VPS13C: variants seen among roughly 807,000 people sequenced by gnomAD.
VPS13C encodes the protein intermembrane lipid transfer protein VPS13C.
In VPS13C, 358 loss-of-function variants were observed where a neutral mutation model predicts 456.8. The ratio of observed to expected loss-of-function variants is 0.78; its 90% confidence interval spans 0.72 to 0.86. VPS13C has a LOEUF of 0.86. Ranked by LOEUF, VPS13C falls within the 40% of genes least tolerant of loss-of-function variation. VPS13C has a pLI of 0.00. For synonymous variants in VPS13C, 1,578 were observed against 1,486.7 expected (o/e 1.06, Z -1.41); for missense variants, 4,818 against 4,385.4 (o/e 1.10, Z -2.79).
At chr15:62,000,262 G>A (rs1399916318) in intron 16 of VPS13C, among the ~76,000 whole-genome samples, 1 of 152,116 alleles carries the variant, frequency 6.6e-6, no homozygotes, top group Non-Finnish European at 1.5e-5. Flanking sequence ...GCTCTCAGGA[G>A]GCTGAGGTAG....
intron 66 of VPS13C, among the ~76,000 whole-genome samples, chr15:61,900,211 G>A (rs1268069666): frequency 6.6e-6 from 1 of 152,158 alleles, no homozygotes; most frequent in Non-Finnish European, 1.5e-5. Flanking sequence ...ACAAGACAGG[G>A]ATGCCCTCTC....
At chr15:61,923,355 T>C (rs2043725565) in intron 53 of VPS13C, among the ~76,000 whole-genome samples, 1 of 152,170 alleles carries the variant, frequency 6.6e-6, no homozygotes, top group Non-Finnish European at 1.5e-5. Context: ...CTCACTTCCC[T>C]CACTTCCTAT....
chr15:61,867,923 T>C lies in VPS13C; in HGVS notation c.10863+736A>G, dbSNP rs553944941. ...AAATCAAGTAGTAGTTTAGGAAACA[T>C]TTATTCCTGTATTTCCAGTTCTTGC... is the stretch of plus-strand genomic sequence containing the variant. On this transcript the variant is annotated intron_variant, in intron 81 of 84. Transcript: ENST00000644861. This position sits in a 1 kb window ranked among gnomAD's most constrained non-coding sequence, Gnocchi z 5.0. The C allele has an allele frequency of 6.2e-7, 1 of 1,607,394 alleles. No individual in the cohort carries two copies. Among genetic ancestry groups the C allele is most frequent in the Middle Eastern group, 1.7e-4 (1 of 6,044 alleles).
At chr15:62,035,406 A>G (rs1356062350) in intron 3 of VPS13C, among the ~76,000 whole-genome samples, 2 of 152,026 alleles carry the variant, frequency 1.3e-5, no homozygotes, top group African/African-American at 2.4e-5. Flanking sequence ...CTATCTAGTG[A>G]GTTAAGCAGT....
intron 81 of VPS13C, chr15:61,864,581 G>A (rs1308617254): frequency 1.0e-5 from 10 of 968,040 alleles, no homozygotes; most frequent in Non-Finnish European, 1.2e-5. Flanking sequence ...CACAAGCAGA[G>A]AAATCACATT....
intron 6 of VPS13C, among the ~76,000 whole-genome samples, chr15:62,025,341 T>A (rs954766449): frequency 6.6e-6 from 1 of 152,102 alleles, no homozygotes; most frequent in African/African-American, 2.4e-5. Flanking sequence ...TAATAAGTAA[T>A]GTAACACAAT....
chr15:61,882,114 T>A (rs1305704164), intron 69 of VPS13C, among the ~76,000 whole-genome samples: 1 of 152,178 alleles, frequency 6.6e-6, no homozygotes, highest in Admixed American at 6.6e-5. Flanking sequence ...GAGATTTCAA[T>A]TCTCTATGGT....
intron 79 of VPS13C, 103 bp downstream of exon 79, chr15:61,871,886 G>A: frequency 2.0e-6 from 2 of 1,001,542 alleles, no homozygotes; most frequent in South Asian, 3.3e-5. Context: ...AATTCAGTCA[G>A]TAATTTTCTC....
chr15:61,852,879 T>G lies in VPS13C; in HGVS notation c.*1578A>C, dbSNP rs1252730512. 1 of 152,154 alleles carries G rather than the reference T, an allele frequency of 6.6e-6. No individual in the cohort carries two copies. The highest frequency in any genetic ancestry group is 1.5e-5 in the Non-Finnish European group (1 of 68,020). 9.4% of individuals were successfully genotyped at this position (152,154 alleles called of 1,614,324 possible). ...AAGTAACACTAGTAAAATTTAAAGT[T>G]TTATGACCAGGCCTTAAAAAACATG... is the stretch of plus-strand genomic sequence containing the variant. On this transcript the variant is annotated 3_prime_UTR_variant, in exon 85 of 85. Transcript: ENST00000644861.
At chr15:62,027,013 G>A (rs1337090035) in intron 6 of VPS13C, among the ~76,000 whole-genome samples, 1 of 151,816 alleles carries the variant, frequency 6.6e-6, no homozygotes, top group African/African-American at 2.4e-5. Flanking sequence ...ATAATGCTTA[G>A]TATTATTATG....
chr15:61,939,089 A>G (rs1406979644), intron 47 of VPS13C, among the ~76,000 whole-genome samples: 1 of 152,218 alleles, frequency 6.6e-6, no homozygotes, highest in Non-Finnish European at 1.5e-5. Flanking sequence ...AACATCCATT[A>G]TATGAAGATA....
intron 1 of VPS13C, among the ~76,000 whole-genome samples, chr15:62,052,917 T>G (rs1295889691): frequency 6.6e-6 from 1 of 152,126 alleles, no homozygotes; most frequent in Non-Finnish European, 1.5e-5. Context: ...CCACTGAACT[T>G]TCTCCCTTTC....
At chr15:61,998,924 T>C (rs2046492469) in intron 16 of VPS13C, among the ~76,000 whole-genome samples, 1 of 152,256 alleles carries the variant, frequency 6.6e-6, no homozygotes, top group Admixed American at 6.5e-5. Flanking sequence ...TTCACTTTCT[T>C]ATAATTTTCT....
intron 47 of VPS13C, among the ~76,000 whole-genome samples, chr15:61,939,567 T>G (rs1441802352): frequency 2.0e-5 from 3 of 152,182 alleles, no homozygotes; most frequent in Admixed American, 2.0e-4. Flanking sequence ...TATCCCATCC[T>G]CGGCTGTTTG....
Position 61,936,646 on chromosome 15 carries a change from A to G in VPS13C, c.5706T>C (p.Thr1902=). The G allele has an allele frequency of 6.3e-7, 1 of 1,597,608 alleles. No homozygotes were observed. The highest frequency in any genetic ancestry group is 8.5e-7 in the Non-Finnish European group (1 of 1,174,664). The change falls in exon 48 of 85, where the codon ACT becomes ACC. Residue 1902 remains threonine (T), a synonymous_variant. Coordinates refer to ENST00000644861, the MANE Select transcript of VPS13C (RefSeq NM_020821.3). ...AAACATCAACTTTTCTCACTCTTAC[A>G]GTCTCCTGCACAGACTGTGTAGGGC... ...QPSPTQSVQE[T]VRVRKVDVSS... is the part of the protein sequence containing the mutation.
At position 61,982,585 on chromosome 15, in the gene VPS13C, T is replaced by A. The variant is rs1165466150; in HGVS notation, c.1915-12A>T. On this transcript the variant is annotated splice_polypyrimidine_tract_variant and intron_variant, in intron 20 of 84. Coordinates refer to ENST00000644861, the MANE Select transcript of VPS13C (RefSeq NM_020821.3). ...GCATTGACAGTTTTCTATAAGAAAATTTTTTTAACATAACCAAGTTACACA... is the reference window on the plus strand; with the variant it reads ...GCATTGACAGTTTTCTATAAGAAAAATTTTTTAACATAACCAAGTTACACA... 7 of 1,581,812 alleles carry A rather than the reference T, an allele frequency of 4.4e-6. No individual in the cohort carries two copies. Among genetic ancestry groups the A allele is most frequent in the Non-Finnish European group, 4.3e-6 (5 of 1,166,070 alleles).
rs1254096951 is a variant in VPS13C at position 61,875,754 on chromosome 15, G to T, written c.10316C>A (p.Ala3439Asp). 3.7e-6 allele frequency: 6 copies of T among 1,610,924 alleles called. No individual in the cohort carries two copies. The highest frequency in any genetic ancestry group is 5.1e-6 in the Non-Finnish European group (6 of 1,178,528). ...TACCTGGAAGGGTTCATAGAATAAA[G>T]CTTCAACTCCTTCAGACAGACCTCT... The part of the protein sequence containing the change: ...LIRGLSEGVE[A>D]LFYEPFQGAV... The change falls in exon 76 of 85, where the codon GCT becomes GAT. Residue 3439 changes from alanine to aspartate, a missense_variant. This residue lies in a region of VPS13C where 4,552 missense variants were observed against 4,130.6 expected (regional missense o/e 1.10). Transcript: ENST00000644861.
chr15:61,859,699 G>A (rs1894117888), intron 82 of VPS13C, among the ~76,000 whole-genome samples: 1 of 152,094 alleles, frequency 6.6e-6, no homozygotes, highest in South Asian at 2.1e-4. Flanking sequence ...TGTCCTCAGA[G>A]ACTCTGTCCA....
Position 62,060,339 on chromosome 15 carries a change from G to A in VPS13C, c.36C>T (p.Asn12=). Residue 12 remains asparagine (N), a synonymous_variant, in exon 1 of 85, where the codon AAC becomes AAT. Coordinates refer to ENST00000644861, the MANE Select transcript of VPS13C (RefSeq NM_020821.3). ...TCTCCACATAGTCCCCCAGGAAGCG[G>A]TTCAGCAAGTCCGCGACCACCGACT... ...VLESVVADLL[N]RFLGDYVENL... 2 of 1,604,108 alleles carry A rather than the reference G, an allele frequency of 1.2e-6. No homozygotes were observed. Among genetic ancestry groups the A allele is most frequent in the Non-Finnish European group, 1.7e-6 (2 of 1,176,034 alleles).
Sources: gnomAD v4.1 joint callset for allele counts (sites outside exome capture counted in the v4.1 genomes callset) on GRCh38, gnomAD v4.1.1 for gene constraint, gnomAD v4.1.1 regional missense constraint, Gnocchi (gnomAD v3.1) non-coding constraint, MANE v1.5 for transcripts, NCBI Gene and HGNC (gene_info 2026-07-23, HGNC 2026-07-21) for gene names.